PEX7: variants seen among roughly 807,000 people sequenced by gnomAD.
PEX7 encodes the protein PTS2 receptor.
Under a neutral mutation model 47.5 loss-of-function variants are expected in PEX7, and 34 were observed. That is an observed-to-expected ratio of 0.72 (90% CI 0.54 to 0.95). The LOEUF (loss-of-function observed/expected upper bound fraction) is 0.95. Ranked by LOEUF, PEX7 falls within the 40% of genes least tolerant of loss-of-function variation. The pLI is 0.00. For synonymous variants in PEX7, 141 were observed against 148.8 expected, an observed-to-expected ratio of 0.95 and a Z score of 0.38; for missense variants, 394 against 400.3, an observed-to-expected ratio of 0.98 and a Z score of 0.13.
intron 8 of PEX7, among the ~76,000 whole-genome samples, chr6:136,880,887 C>T (rs542697401): frequency 6.6e-6 from 1 of 152,334 alleles, no homozygotes; most frequent in Admixed American, 6.5e-5. Flanking sequence ...AGAATAATCA[C>T]ATGGAGGCTC....
Position 136,822,687 on chromosome 6 carries a change from G to A in PEX7, c.22G>A (p.Ala8Thr). Reference sequence around the variant, plus strand: ...CGGGATGAGTGCGGTGTGCGGTGGAGCGGCGCGGATGCTGCGGACGCCGGG... The same window carrying A: ...CGGGATGAGTGCGGTGTGCGGTGGAACGGCGCGGATGCTGCGGACGCCGGG... MSAVCGGAARMLRTPGRH... is the reference protein window; with the variant it reads MSAVCGGTARMLRTPGRH... Residue 8 changes from alanine (A) to threonine (T), a missense_variant, in exon 1 of 10, where the codon GCG becomes ACG. Physicochemically the swap from Ala to Thr is moderately conservative, Grantham distance 58. Transcript: ENST00000318471. 1.3e-6 allele frequency: 2 copies of A among 1,522,268 alleles called. No homozygotes were observed. Among genetic ancestry groups the A allele is most frequent in the Non-Finnish European group, 1.8e-6 (2 of 1,141,240 alleles). 94.3% of individuals were successfully genotyped at this position (1,522,268 alleles called of 1,614,324 possible).
chr6:136,862,651 C>T (rs772254802), intron 5 of PEX7, among the ~76,000 whole-genome samples: 1 of 152,190 alleles, frequency 6.6e-6, no homozygotes, highest in Non-Finnish European at 1.5e-5. Flanking sequence ...GCTGGGATTA[C>T]AGGTGTAAAC....
intron 5 of PEX7, chr6:136,855,765 A>G: frequency 2.5e-6 from 1 of 392,756 alleles, no homozygotes; most frequent in Non-Finnish European, 5.0e-6. Flanking sequence ...TAAAAAGGAT[A>G]TTTCGTTTGC....
At chr6:136,870,847 C>T in intron 7 of PEX7, 1 of 267,150 alleles carries the variant, frequency 3.7e-6, no homozygotes, top group Non-Finnish European at 7.5e-6. Flanking sequence ...CAGGTGTGCA[C>T]CACCATGCCC....
At chr6:136,873,623 ATTTTTC>A (rs1775218276) in intron 8 of PEX7, among the ~76,000 whole-genome samples, 1 of 152,036 alleles carries the variant, frequency 6.6e-6, no homozygotes, top group East Asian at 1.9e-4. Flanking sequence ...CCTCTAATTG[ATTTTTC>A]TTAAAATTCC....
intron 8 of PEX7, among the ~76,000 whole-genome samples, chr6:136,895,461 G>T (rs1775631714): frequency 6.6e-6 from 1 of 152,136 alleles, no homozygotes; most frequent in African/African-American, 2.4e-5. Context: ...TTGAGGTGAA[G>T]AAATCTGAAG....
intron 3 of PEX7, among the ~76,000 whole-genome samples, chr6:136,838,649 C>T (rs908323853): frequency 6.6e-6 from 1 of 152,138 alleles, no homozygotes; most frequent in African/African-American, 2.4e-5. Context: ...GTGAAATTGG[C>T]CTGTGCTTAT....
intron 7 of PEX7, 46 bp from the exon 8 acceptor site, chr6:136,872,152 A>G (rs1330211732): frequency 6.8e-7 from 1 of 1,474,074 alleles, no homozygotes; most frequent in East Asian, 2.3e-5. Flanking sequence ...TGTTATAATC[A>G]CAGCTGACTT....
At chr6:136,897,496 A>G (rs1775672310) in intron 8 of PEX7, among the ~76,000 whole-genome samples, 1 of 152,230 alleles carries the variant, frequency 6.6e-6, no homozygotes, top group African/African-American at 2.4e-5. Context: ...GTTAAGTAGA[A>G]TACATAATAT....
intron 3 of PEX7, 148 bp from the exon 4 acceptor site, chr6:136,845,467 A>G: frequency 2.9e-6 from 2 of 698,414 alleles, no homozygotes; most frequent in Non-Finnish European, 5.3e-6. Context: ...TTCATTTCTC[A>G]GACACCTTGT....
intron 6 of PEX7, 54 bp downstream of exon 6, chr6:136,866,787 C>A: frequency 6.9e-7 from 1 of 1,454,534 alleles, no homozygotes; most frequent in Non-Finnish European, 9.6e-7. Context: ...TTAAAATGTT[C>A]TGAATTTTAT....
intron 8 of PEX7, among the ~76,000 whole-genome samples, chr6:136,897,150 G>A (rs1775666275): frequency 6.6e-6 from 1 of 152,138 alleles, no homozygotes; most frequent in Non-Finnish European, 1.5e-5. Context: ...ACTTAATAGG[G>A]CCAACTCTGT....
rs144562841 is a variant in PEX7, at chr6:136,904,288, A to G, written c.903+6047A>G. ...CTCATTGATGCTTTCATAATTGTGTAATTTTTTAGCTTACAATGATATAAC... is the reference window on the plus strand; with the variant it reads ...CTCATTGATGCTTTCATAATTGTGTGATTTTTTAGCTTACAATGATATAAC... On this transcript the variant is annotated intron_variant, in intron 9 of 9. Transcript: ENST00000318471. Among the ~76,000 whole-genome samples the G allele has an allele frequency of 2.0e-3, 303 of 152,230 alleles. 2 individuals are homozygous for G. Among genetic ancestry groups the G allele is most frequent in the African/African-American group, 6.6e-3 (274 of 41,540 alleles).
chr6:136,833,994 C>G (rs1774340416), intron 3 of PEX7, among the ~76,000 whole-genome samples: 1 of 152,014 alleles, frequency 6.6e-6, no homozygotes, highest in African/African-American at 2.4e-5. Context: ...ATTTAGGGTC[C>G]CACGTAAATT....
intron 5 of PEX7, among the ~76,000 whole-genome samples, chr6:136,862,570 C>T (rs1774986873): frequency 6.6e-6 from 1 of 152,092 alleles, no homozygotes. Context: ...GAGCTGGAAT[C>T]TCACTATGTT....
At chr6:136,907,793 GATGCAATTA>G (rs1374329400) in intron 9 of PEX7, among the ~76,000 whole-genome samples, 3 of 152,052 alleles carry the variant, frequency 2.0e-5, no homozygotes, top group Non-Finnish European at 4.4e-5. Context: ...GGAGGGAATT[GATGCAATTA>G]AGGGATATAA....
chr6:136,908,455 T>G (rs902454479), intron 9 of PEX7, among the ~76,000 whole-genome samples: 1 of 152,136 alleles, frequency 6.6e-6, no homozygotes, highest in Non-Finnish European at 1.5e-5. Flanking sequence ...TTCTGTAATG[T>G]CAGTAATTTT....
chr6:136,878,940 A>G (rs1775326940), intron 8 of PEX7, among the ~76,000 whole-genome samples: 1 of 151,962 alleles, frequency 6.6e-6, no homozygotes, highest in Non-Finnish European at 1.5e-5. Context: ...TGGTGTTACA[A>G]CTTTTTAAAT....
At chr6:136,856,291 T>TAAA (rs397759780) in intron 5 of PEX7, among the ~76,000 whole-genome samples, 6 of 70,582 alleles carry the variant, frequency 8.5e-5, no homozygotes, top group African/African-American at 1.4e-4. Context: ...TGGTTGAAAG[T>TAAA]AAAAAAAAAA....
Sources: gnomAD v4.1 joint callset for allele counts (sites outside exome capture counted in the v4.1 genomes callset) on GRCh38, gnomAD v4.1.1 for gene constraint, MANE v1.5 for transcripts, NCBI Gene and HGNC (gene_info 2026-07-23, HGNC 2026-07-21) for gene names.